Variants in LPXN observed in about 807,000 individuals in gnomAD.
LPXN encodes the protein leupaxin.
In LPXN, 28 loss-of-function variants were observed where a neutral mutation model predicts 45.6. The ratio of observed to expected loss-of-function variants is 0.61; its 90% CI spans 0.45 to 0.84. LPXN has a LOEUF of 0.84. Among genes scored for constraint, LPXN ranks in the 40% least tolerant of loss-of-function variants. The pLI, the probability that LPXN is intolerant of heterozygous loss-of-function variation, is 0.00. For missense variants in LPXN, 459 were observed against 475.0 expected, an observed-to-expected ratio of 0.97 and a Z score of 0.31; for synonymous variants, 166 against 169.9, an observed-to-expected ratio of 0.98 and a Z score of 0.18.
At chr11:58,555,451 G>A (rs958213836) in intron 3 of LPXN, among the ~76,000 whole-genome samples, 1 of 152,092 alleles carries the variant, frequency 6.6e-6, no homozygotes, top group Non-Finnish European at 1.5e-5. Flanking sequence ...TCATATAATT[G>A]TAAGTAAATT....
upstream of LPXN, chr11:58,575,940 CTTT>C (rs753299345): frequency 4.2e-4 from 503 of 1,194,180 alleles, 4 homozygotes; most frequent in African/African-American, 6.4e-3. Flanking sequence ...ATTTGGTGAG[CTTT>C]TTTTTTTTTT....
chr11:58,550,251 C>T, intron 5 of LPXN, 105 bp from the exon 6 acceptor site: 1 of 1,048,490 alleles, frequency 9.5e-7, no homozygotes, highest in Non-Finnish European at 1.5e-6. Flanking sequence ...CCCTTGTAGA[C>T]AACACGCCCT....
Position 58,554,777 on chromosome 11 carries a change from T to A in LPXN, c.318+64A>T. 1.4e-5 allele frequency: 17 copies of A among 1,234,906 alleles called. No individual in the cohort carries two copies. In the South Asian group the frequency reaches 2.3e-4, roughly 17 times the overall value. The allele number at this position is 1,234,906 out of a possible 1,614,324, so 76.5% of individuals were successfully genotyped here. A position where few individuals can be genotyped will look rare whatever the true frequency, so the allele number is the denominator to read the frequency against. ...CCACAAAGATAAACTGGTGACCCCATGGGCCCTGTTTATCATCTGGACTGC... is the reference window on the plus strand; with the variant it reads ...CCACAAAGATAAACTGGTGACCCCAAGGGCCCTGTTTATCATCTGGACTGC... On this transcript the variant is annotated intron_variant, in intron 4 of 8. Transcript: ENST00000395074.
chr11:58,562,546 A>C (rs1241564185), intron 3 of LPXN, among the ~76,000 whole-genome samples: 1 of 152,194 alleles, frequency 6.6e-6, no homozygotes, highest in Non-Finnish European at 1.5e-5. Context: ...GGAAAACACA[A>C]ACCACATGAG....
intron 3 of LPXN, among the ~76,000 whole-genome samples, chr11:58,558,355 T>C (rs568686324): frequency 2.9e-4 from 44 of 151,290 alleles, no homozygotes; most frequent in Admixed American, 2.6e-3. Context: ...CTGGGCAACA[T>C]AGGGAGACCC....
At chr11:58,576,344 G>A (rs777252766), upstream of LPXN, among the ~76,000 whole-genome samples, 12 of 152,198 alleles carry the variant, frequency 7.9e-5, no homozygotes, top group Non-Finnish European at 1.8e-4. Context: ...TAGGGCAGAA[G>A]TGGATTCATG....
At chr11:58,558,005 A>C (rs1795097221) in intron 3 of LPXN, among the ~76,000 whole-genome samples, 2 of 152,010 alleles carry the variant, frequency 1.3e-5, no homozygotes, top group Admixed American at 6.6e-5. Context: ...CACTCAAGAC[A>C]ATTTTGGAAA....
At chr11:58,569,172 C>T (rs1854606091) in intron 2 of LPXN, among the ~76,000 whole-genome samples, 1 of 152,180 alleles carries the variant, frequency 6.6e-6, no homozygotes, top group South Asian at 2.1e-4. Flanking sequence ...ATACAGGGAA[C>T]AATGATGAAT....
chr11:58,548,233 T>A (rs2510552), intron 7 of LPXN, among the ~76,000 whole-genome samples: 78,208 of 151,928 alleles, frequency 0.51, 20,964 homozygotes, highest in East Asian at 0.67. Flanking sequence ...CTAGGGGATG[T>A]TCCCCACCAA....
intron 7 of LPXN, among the ~76,000 whole-genome samples, chr11:58,541,974 G>C (rs1590764723): frequency 6.6e-6 from 1 of 151,160 alleles, no homozygotes; most frequent in Non-Finnish European, 1.5e-5. Flanking sequence ...CTCACTCATA[G>C]ATGGGAATTG....
At chr11:58,553,834 T>A (rs977303674) in intron 4 of LPXN, 1 of 152,200 alleles carries the variant, frequency 6.6e-6, no homozygotes, top group Non-Finnish European at 1.5e-5. Flanking sequence ...TTCCATTCCA[T>A]GCCCGACTAT....
At chr11:58,558,362 AC>A (rs1222212131) in intron 3 of LPXN, among the ~76,000 whole-genome samples, 1 of 151,478 alleles carries the variant, frequency 6.6e-6, no homozygotes, top group Admixed American at 6.6e-5. Context: ...ACATAGGGAG[AC>A]CCTGTCTCTA....
upstream of LPXN, chr11:58,577,902 T>A (rs572211363): frequency 1.0e-5 from 12 of 1,185,304 alleles, no homozygotes; most frequent in Admixed American, 8.9e-5. Context: ...TTCACAGATT[T>A]GATTAAGAGC....
chr11:58,550,415 G>A (rs1050889570), intron 5 of LPXN, among the ~76,000 whole-genome samples: 1 of 152,218 alleles, frequency 6.6e-6, no homozygotes, highest in Non-Finnish European at 1.5e-5. Context: ...CTGCCACAGG[G>A]GGTGGCAGAA....
chr11:58,542,050 G>A (rs1853742018), intron 7 of LPXN, among the ~76,000 whole-genome samples: 2 of 151,726 alleles, frequency 1.3e-5, no homozygotes, highest in Admixed American at 1.3e-4. Flanking sequence ...TGGGGTGGGG[G>A]GAGTGGGGAG....
intron 7 of LPXN, among the ~76,000 whole-genome samples, chr11:58,539,068 A>G (rs982730817): frequency 1.3e-5 from 2 of 152,178 alleles, no homozygotes; most frequent in African/African-American, 4.8e-5. Flanking sequence ...GAACTTTGAG[A>G]GGCTGAGGCG....
chr11:58,547,159 A>C (rs1853899467), intron 7 of LPXN, among the ~76,000 whole-genome samples: 1 of 152,240 alleles, frequency 6.6e-6, no homozygotes, highest in Admixed American at 6.5e-5. Context: ...AGAAACATGC[A>C]GCTAAAAATT....
Position 58,549,777 on chromosome 11 carries a change from G to T in LPXN, c.742+9C>A, listed in dbSNP as rs750657941. 1.2e-6 allele frequency: 2 copies of T among 1,613,502 alleles called. No homozygotes were observed. Among genetic ancestry groups the T allele is most frequent in the Non-Finnish European group, 1.7e-6 (2 of 1,179,712 alleles). Reference sequence around the variant, plus strand: ...GGTGTGGGATACAGCCTCTCAAGTCGGGTCATACCTTCTGCACCAAACACC... The same window carrying T: ...GGTGTGGGATACAGCCTCTCAAGTCTGGTCATACCTTCTGCACCAAACACC... On this transcript the variant is annotated intron_variant, in intron 7 of 8. Transcript: ENST00000395074.
chr11:58,534,627 G>A (rs1176437489), intron 7 of LPXN, among the ~76,000 whole-genome samples: 1 of 152,126 alleles, frequency 6.6e-6, no homozygotes, highest in Non-Finnish European at 1.5e-5. Context: ...AGAAGCAAGA[G>A]CAAACAAATT....
Sources: allele counts gnomAD v4.1 joint callset (sites outside exome capture counted in the v4.1 genomes callset), GRCh38; gene constraint gnomAD v4.1.1; transcripts MANE v1.5; gene names NCBI Gene and HGNC (gene_info 2026-07-23, HGNC 2026-07-21).